SPECC1: variants seen among roughly 807,000 people sequenced by gnomAD.
SPECC1 encodes the protein cytospin-B.
Under a neutral mutation model 104.1 loss-of-function variants are expected in SPECC1, and 62 were observed. That is an observed-to-expected ratio of 0.60 (90% CI 0.49 to 0.74). The LOEUF (loss-of-function observed/expected upper bound fraction) is 0.74. Among genes scored for constraint, SPECC1 ranks in the 30% least tolerant of loss-of-function variants. The pLI is 0.00. For missense variants in SPECC1, 1,306 were observed against 1,310.5 expected (o/e 1.00, Z 0.05); for synonymous variants, 513 against 501.6 (o/e 1.02, Z -0.30).
intron 3 of SPECC1, among the ~76,000 whole-genome samples, chr17:20,201,834 G>A (rs1158569247): frequency 6.6e-6 from 1 of 152,024 alleles, no homozygotes; most frequent in Middle Eastern, 3.4e-3. Context: ...GAACTGTGTG[G>A]GTCCATTTAT....
At chr17:20,082,934 G>A (rs528705196) in intron 1 of SPECC1, among the ~76,000 whole-genome samples, 5 of 151,972 alleles carry the variant, frequency 3.3e-5, no homozygotes, top group African/African-American at 1.2e-4. Flanking sequence ...CTTCTTTCTA[G>A]CACTGGTTGC....
At chr17:20,196,600 G>C (rs1420298475) in intron 3 of SPECC1, among the ~76,000 whole-genome samples, 1 of 152,130 alleles carries the variant, frequency 6.6e-6, no homozygotes, top group Non-Finnish European at 1.5e-5. Context: ...TGGACTTTCT[G>C]ACTTGCCCTA....
rs115225149 is a variant in SPECC1, at chr17:20,164,226, T to G, written c.284-40107T>G. The stretch of plus-strand genomic sequence containing the variant: ...TCTTGCTCTGTTGGCCAGGCTGGAG[T>G]GCAGTGGTGCGATGCTGGCCCACTG... On this transcript the variant is annotated intron_variant, in intron 3 of 14. Transcript: ENST00000395527. Among the ~76,000 whole-genome samples the G allele has an allele frequency of 6.6e-3, 1,002 of 151,350 alleles. 10 individuals are homozygous for G. Among genetic ancestry groups the G allele is most frequent in the African/African-American group, 0.023 (946 of 41,206 alleles).
intron 8 of SPECC1, among the ~76,000 whole-genome samples, chr17:20,246,279 A>G (rs1277584462): frequency 6.6e-6 from 1 of 152,188 alleles, no homozygotes; most frequent in Admixed American, 6.5e-5. Context: ...CATGAATAAC[A>G]CAAATGCAGC....
At chr17:20,119,261 G>A (rs1652390480) in intron 3 of SPECC1, among the ~76,000 whole-genome samples, 1 of 151,942 alleles carries the variant, frequency 6.6e-6, no homozygotes, top group South Asian at 2.1e-4. Flanking sequence ...TTTATTTTTT[G>A]AGACGGAGTT....
At chr17:20,074,829 C>G (rs2046693926) in intron 1 of SPECC1, among the ~76,000 whole-genome samples, 4 of 152,206 alleles carry the variant, frequency 2.6e-5, no homozygotes, top group African/African-American at 4.8e-5. Flanking sequence ...ACTAAACTTT[C>G]ATTTGAAAAC....
Position 20,315,805 on chromosome 17 carries a change from C to T in SPECC1, c.*1740C>T, listed in dbSNP as rs1567630569. On this transcript the variant is annotated 3_prime_UTR_variant, in exon 15 of 15. Coordinates refer to ENST00000395527, the MANE Select transcript of SPECC1 (RefSeq NM_001243439.2). ...TCAAGCCACCTTGAGACAAGAACTC[C>T]GCCCCCCTGTTAGTGCATCCCAGCT... 2.6e-5 allele frequency: 6 copies of T among 232,728 alleles called. No individual in the cohort carries two copies. The highest frequency in any genetic ancestry group is 1.7e-4 in the Admixed American group (3 of 17,752). The allele number at this position is 232,728 out of a possible 1,614,324, so 14.4% of individuals were successfully genotyped here.
chr17:20,238,871 T>C, intron 7 of SPECC1: 1 of 1,044,086 alleles, frequency 9.6e-7, no homozygotes, highest in Non-Finnish European at 1.2e-6. Flanking sequence ...AAGTGCAAAA[T>C]AAACATGTTA....
At position 20,315,549 on chromosome 17, in the gene SPECC1, C is replaced by T; in HGVS notation, c.*1484C>T. On this transcript the variant is annotated 3_prime_UTR_variant, in exon 15 of 15. Transcript: ENST00000395527. ...TGCCAAATAGCGTGTTAGCGCCCCTCCAACAAAGGATCATCCTTCCAGTGA... is the reference window on the plus strand; with the variant it reads ...TGCCAAATAGCGTGTTAGCGCCCCTTCAACAAAGGATCATCCTTCCAGTGA... 1 of 233,008 alleles carries T rather than the reference C, an allele frequency of 4.3e-6. No individual in the cohort carries two copies. Among genetic ancestry groups the T allele is most frequent in the Non-Finnish European group, 8.5e-6 (1 of 117,912 alleles). 14.4% of individuals were successfully genotyped at this position (233,008 alleles called of 1,614,324 possible).
chr17:20,199,381 T>G (rs1188791772), intron 3 of SPECC1, among the ~76,000 whole-genome samples: 1 of 128,698 alleles, frequency 7.8e-6, no homozygotes, highest in Non-Finnish European at 1.6e-5. Flanking sequence ...GCCACCGTGC[T>G]GGTTTTTTTT....
intron 1 of SPECC1, among the ~76,000 whole-genome samples, chr17:20,079,485 T>C (rs2046884391): frequency 6.6e-6 from 1 of 151,908 alleles, no homozygotes; most frequent in African/African-American, 2.4e-5. Flanking sequence ...TTTGTAGGTA[T>C]AGAGGCTTAC....
At chr17:20,270,490 A>T (rs2040371849) in intron 12 of SPECC1, among the ~76,000 whole-genome samples, 1 of 142,534 alleles carries the variant, frequency 7.0e-6, no homozygotes, top group Non-Finnish European at 1.5e-5. Context: ...ACGATGGTGT[A>T]CACCTGTGAT....
chr17:20,135,290 C>G (rs1450236140), intron 3 of SPECC1, among the ~76,000 whole-genome samples: 1 of 152,198 alleles, frequency 6.6e-6, no homozygotes, highest in Non-Finnish European at 1.5e-5. Context: ...CTTCCCTCTT[C>G]CCCCTCAACA....
intron 12 of SPECC1, among the ~76,000 whole-genome samples, chr17:20,268,616 T>C (rs2040294477): frequency 6.6e-6 from 1 of 152,240 alleles, no homozygotes; most frequent in African/African-American, 2.4e-5. Flanking sequence ...TGCGCGGCAC[T>C]GTGGGCTTCC....
intron 3 of SPECC1, among the ~76,000 whole-genome samples, chr17:20,177,443 T>A (rs1567905848): frequency 6.6e-6 from 1 of 152,160 alleles, no homozygotes. Context: ...ATAAAATCAT[T>A]CAAAGCCCTG....
rs57847776 is a variant in SPECC1, at chr17:20,208,863, G to C, written c.1863+2951G>C. Among the ~76,000 whole-genome samples the C allele has an allele frequency of 6.0e-3, 910 of 152,200 alleles. 11 individuals are homozygous for C. Among genetic ancestry groups the C allele is most frequent in the African/African-American group, 0.021 (880 of 41,508 alleles). The stretch of plus-strand genomic sequence containing the variant: ...GTCACTTAGGCTGGAGTGTAGTGGC[G>C]ATTATAGCTCACTGCAGCCTTGAAC... On this transcript the variant is annotated intron_variant, in intron 4 of 14. Transcript: ENST00000395527.
intron 4 of SPECC1, among the ~76,000 whole-genome samples, chr17:20,226,518 GATA>G (rs1458585927): frequency 6.6e-6 from 1 of 152,118 alleles, no homozygotes; most frequent in African/African-American, 2.4e-5. Context: ...CCAATTTTAG[GATA>G]ATGCTTATTA....
At chr17:20,178,434 A>G (rs993561155) in intron 3 of SPECC1, among the ~76,000 whole-genome samples, 1 of 152,226 alleles carries the variant, frequency 6.6e-6, no homozygotes, top group African/African-American at 2.4e-5. Context: ...CACATTTAGC[A>G]AAGAAATAGT....
chr17:20,227,578 G>A lies in SPECC1; in HGVS notation c.2029G>A (p.Ala677Thr), dbSNP rs775470829. Residue 677 changes from alanine to threonine, a missense_variant, in exon 5 of 15, where the codon GCT becomes ACT. Ala to Thr is a moderately conservative substitution (Grantham distance 58). Coordinates refer to ENST00000395527, the MANE Select transcript of SPECC1 (RefSeq NM_001243439.2). ...ELEDQVEQHR[A>T]VKLHNNQLIS... ...GGAAGATCAGGTGGAACAGCACCGG[G>A]CTGTCAAGTTACACAATAATCAACT... The A allele has an allele frequency of 6.2e-7, 1 of 1,611,370 alleles. No individual in the cohort carries two copies. Among genetic ancestry groups the A allele is most frequent in the East Asian group, 2.2e-5 (1 of 44,866 alleles).
Sources: gnomAD v4.1 joint callset for allele counts (sites outside exome capture counted in the v4.1 genomes callset) on GRCh38, gnomAD v4.1.1 for gene constraint, MANE v1.5 for transcripts, NCBI Gene and HGNC (gene_info 2026-07-23, HGNC 2026-07-21) for gene names.